Variants in SH3GL3 observed in about 807,000 individuals in gnomAD.
SH3GL3 encodes the protein endophilin-A3.
A neutral mutation model predicts 47.7 loss-of-function variants in SH3GL3; 33 were observed. That is an observed-to-expected ratio of 0.69 (90% CI 0.52 to 0.92). The LOEUF (loss-of-function observed/expected upper bound fraction) is 0.92. SH3GL3 is among the 40% of genes least tolerant of loss of function. SH3GL3 has a pLI of 0.00. For synonymous variants in SH3GL3, 155 were observed against 148.8 expected, an observed-to-expected ratio of 1.04 and a Z score of -0.30; for missense variants, 363 against 417.8, an observed-to-expected ratio of 0.87 and a Z score of 1.14.
downstream of SH3GL3, among the ~76,000 whole-genome samples, chr15:83,622,411 G>T (rs1176956989): frequency 6.6e-6 from 1 of 152,242 alleles, no homozygotes; most frequent in African/African-American, 2.4e-5. Flanking sequence ...CATCAGAACT[G>T]CAGACTATTC....
Position 83,572,635 on chromosome 15 carries a change from TG to T in SH3GL3, c.403del (p.Val135Ter), listed in dbSNP as rs1170808677. The T allele has an allele frequency of 3.7e-6, 6 of 1,611,394 alleles. No homozygotes were observed. The African/African-American group carries it at 8.0e-5, about 22-fold the overall frequency. On this transcript the variant is annotated frameshift_variant, in exon 5 of 9. Transcript: ENST00000427482. LOFTEE classifies it high-confidence loss of function. ...AGGTGAAAGACTCTCTTGATATTAATGTAAAGCAAACTTTTATTGATCCACT... is the reference window on the plus strand; with the variant it reads ...AGGTGAAAGACTCTCTTGATATTAATTAAAGCAAACTTTTATTGATCCACT... ...AEVKDSLDIN[V>X]KQTFIDPLQL...
intron 1 of SH3GL3, among the ~76,000 whole-genome samples, chr15:83,522,748 G>A (rs1298636287): frequency 6.6e-6 from 1 of 152,176 alleles, no homozygotes; most frequent in Non-Finnish European, 1.5e-5. Flanking sequence ...AACATGCTCT[G>A]AGACCACAGA....
chr15:83,483,036 T>A (rs1033318318), intron 1 of SH3GL3, among the ~76,000 whole-genome samples: 1 of 152,124 alleles, frequency 6.6e-6, no homozygotes, highest in Non-Finnish European at 1.5e-5. Flanking sequence ...CTTCTGTGAG[T>A]TTGTTTCTTA....
chr15:83,535,321 T>C (rs2043856947), intron 1 of SH3GL3, among the ~76,000 whole-genome samples: 1 of 152,224 alleles, frequency 6.6e-6, no homozygotes, highest in Non-Finnish European at 1.5e-5. Context: ...TTGGACAGGA[T>C]GGCTTGAGGA....
intron 1 of SH3GL3, among the ~76,000 whole-genome samples, chr15:83,529,369 G>A (rs967487432): frequency 1.3e-5 from 2 of 152,152 alleles, no homozygotes; most frequent in South Asian, 4.1e-4. Flanking sequence ...CCTGGGCAGT[G>A]TGTGTGGCAT....
chr15:83,596,332 G>A (rs1414167771), intron 8 of SH3GL3, among the ~76,000 whole-genome samples: 1 of 152,146 alleles, frequency 6.6e-6, no homozygotes, highest in Non-Finnish European at 1.5e-5. Context: ...CACTTGAAAA[G>A]AATGTGTATT....
At chr15:83,580,905 C>T (rs899625935) in intron 6 of SH3GL3, among the ~76,000 whole-genome samples, 9 of 152,156 alleles carry the variant, frequency 5.9e-5, no homozygotes, top group Non-Finnish European at 1.5e-5. Context: ...GAGGGCCTGG[C>T]GAGAGGACTT....
chr15:83,476,947 C>G (rs2041128752), intron 1 of SH3GL3, among the ~76,000 whole-genome samples: 1 of 152,168 alleles, frequency 6.6e-6, no homozygotes, highest in South Asian at 2.1e-4. Context: ...TGGAGGATCC[C>G]CAATGCTCAA....
In SH3GL3 at chr15:83,618,385, C is replaced by A; in HGVS notation, c.*98C>A. On this transcript the variant is annotated 3_prime_UTR_variant, in exon 9 of 9. Transcript: ENST00000427482. ...TTCTGTGACATCCTTTGCTCTCTGA[C>A]CAACTTAATGACTTTTGTATGTGTG... 1.3e-6 allele frequency: 1 copy of A among 749,212 alleles called. No individual in the cohort carries two copies. The highest frequency in any genetic ancestry group is 1.6e-5 in the South Asian group (1 of 63,898). The allele number at this position is 749,212 out of a possible 1,614,324, so 46.4% of individuals were successfully genotyped here. A position where few individuals can be genotyped will look rare whatever the true frequency, so the allele number is the denominator to read the frequency against.
chr15:83,499,135 C>G (rs557620041), intron 1 of SH3GL3, among the ~76,000 whole-genome samples: 1 of 152,008 alleles, frequency 6.6e-6, no homozygotes, highest in African/African-American at 2.4e-5. Flanking sequence ...GTTCTTACAG[C>G]GTTTTATACA....
intron 1 of SH3GL3, among the ~76,000 whole-genome samples, chr15:83,520,569 G>T (rs985847638): frequency 6.6e-6 from 1 of 152,186 alleles, no homozygotes; most frequent in Non-Finnish European, 1.5e-5. Flanking sequence ...TGCAGTGGAG[G>T]TGAGGAGTGG....
At chr15:83,621,466 CACA>C (rs1350067833), downstream of SH3GL3, among the ~76,000 whole-genome samples, 1 of 152,156 alleles carries the variant, frequency 6.6e-6, no homozygotes, top group African/African-American at 2.4e-5. Flanking sequence ...TCAAAACACA[CACA>C]ACATTTATCA....
intron 1 of SH3GL3, among the ~76,000 whole-genome samples, chr15:83,496,472 A>G (rs750776873): frequency 2.0e-4 from 31 of 152,310 alleles, no homozygotes; most frequent in African/African-American, 7.2e-4. Flanking sequence ...TGGAGTAGAC[A>G]TTAGCCTCAT....
intron 1 of SH3GL3, among the ~76,000 whole-genome samples, chr15:83,472,633 G>A (rs1192960645): frequency 2.6e-5 from 4 of 151,888 alleles, no homozygotes; most frequent in Non-Finnish European, 5.9e-5. Flanking sequence ...CTTCACAGTG[G>A]CTTCTTGGCT....
chr15:83,514,617 T>C (rs1362746100), intron 1 of SH3GL3, among the ~76,000 whole-genome samples: 1 of 152,224 alleles, frequency 6.6e-6, no homozygotes, highest in Non-Finnish European at 1.5e-5. Flanking sequence ...ATTCTTTGAA[T>C]TCTTACCCAG....
At chr15:83,566,927 A>G (rs531823768) in intron 3 of SH3GL3, among the ~76,000 whole-genome samples, 2 of 152,340 alleles carry the variant, frequency 1.3e-5, no homozygotes, top group East Asian at 1.9e-4. Flanking sequence ...CATTTTAACA[A>G]GATCCTTGGG....
intron 8 of SH3GL3, among the ~76,000 whole-genome samples, chr15:83,593,234 T>A (rs1219826241): frequency 6.6e-6 from 1 of 152,212 alleles, no homozygotes; most frequent in African/African-American, 2.4e-5. Flanking sequence ...TTCAAAAAAA[T>A]CCTGCTCAGA....
At chr15:83,582,177 TTATTCCTCAC>T (rs1441485762) in intron 6 of SH3GL3, among the ~76,000 whole-genome samples, 3 of 152,232 alleles carry the variant, frequency 2.0e-5, no homozygotes, top group Non-Finnish European at 4.4e-5. Flanking sequence ...TTATTCCTCA[TTATTCCTCAC>T]AACTTACTAG....
chr15:83,574,161 G>A (rs913589084), intron 5 of SH3GL3, among the ~76,000 whole-genome samples: 10 of 152,100 alleles, frequency 6.6e-5, no homozygotes, highest in Non-Finnish European at 1.0e-4. Flanking sequence ...GTGCAATGAA[G>A]GGAGGAAAGG....
Sources: allele counts gnomAD v4.1 joint callset (sites outside exome capture counted in the v4.1 genomes callset), GRCh38; gene constraint gnomAD v4.1.1; transcripts MANE v1.5; gene names NCBI Gene and HGNC (gene_info 2026-07-23, HGNC 2026-07-21).